PTPRD: variants seen among roughly 807,000 people sequenced by gnomAD.
The protein encoded by PTPRD is receptor-type tyrosine-protein phosphatase delta.
In PTPRD, 34 loss-of-function variants were observed where a neutral mutation model predicts 214.5. The observed-to-expected ratio is 0.16, with a 90% confidence interval of 0.12 to 0.21. The LOEUF is 0.21. PTPRD is among the 10% of genes least tolerant of loss of function. The pLI is 1.00. For missense variants in PTPRD, 2,545 were observed against 2,398.7 expected, an observed-to-expected ratio of 1.06 and a Z score of -1.27; for synonymous variants, 1,128 against 845.7, an observed-to-expected ratio of 1.33 and a Z score of -5.79.
intron 11 of PTPRD, among the ~76,000 whole-genome samples, chr9:8,966,752 CA>C (rs1374702988): frequency 1.3e-5 from 2 of 151,884 alleles, no homozygotes; most frequent in Non-Finnish European, 2.9e-5. Flanking sequence ...CAAAACATGA[CA>C]AATTAGACCT....
At chr9:9,838,454 T>C (rs531022760) in intron 5 of PTPRD, among the ~76,000 whole-genome samples, 23 of 152,180 alleles carry the variant, frequency 1.5e-4, no homozygotes, top group East Asian at 5.8e-4. Context: ...TTTTAATGAT[T>C]GCCATTCTAA....
At chr9:10,376,122 A>AT (rs2097723628) in intron 2 of PTPRD, among the ~76,000 whole-genome samples, 1 of 151,934 alleles carries the variant, frequency 6.6e-6, no homozygotes, top group African/African-American at 2.4e-5. Context: ...GCTTCCCTGC[A>AT]TTTTTCAGAA....
chr9:8,854,575 C>G (rs547683669), intron 11 of PTPRD, among the ~76,000 whole-genome samples: 16 of 152,090 alleles, frequency 1.1e-4, no homozygotes, highest in Non-Finnish European at 2.1e-4. Context: ...TGAAAATCAA[C>G]GAAAGAACAG....
intron 10 of PTPRD, among the ~76,000 whole-genome samples, chr9:9,178,222 G>C (rs16929029): frequency 0.09 from 13,672 of 152,004 alleles, 928 homozygotes; most frequent in South Asian, 0.24. Flanking sequence ...CCTACAAAGA[G>C]ATTGAACTGT....
At chr9:9,371,802 G>T (rs542603051) in intron 9 of PTPRD, among the ~76,000 whole-genome samples, 16 of 152,102 alleles carry the variant, frequency 1.1e-4, no homozygotes, top group African/African-American at 3.6e-4. Context: ...CAGAGATTCT[G>T]GTATGTTGTG....
intron 9 of PTPRD, among the ~76,000 whole-genome samples, chr9:9,294,324 C>T (rs899958944): frequency 1.5e-4 from 23 of 151,696 alleles, no homozygotes; most frequent in African/African-American, 5.1e-4. Context: ...TGTATATACA[C>T]ATACCTACTT....
intron 37 of PTPRD, among the ~76,000 whole-genome samples, chr9:8,384,409 A>C (rs1258015466): frequency 1.3e-5 from 2 of 152,196 alleles, no homozygotes; most frequent in African/African-American, 4.8e-5. Context: ...AAACTAGGGA[A>C]AAAAAACCAC....
At chr9:8,408,765 C>A (rs1475323674) in intron 35 of PTPRD, among the ~76,000 whole-genome samples, 1 of 152,040 alleles carries the variant, frequency 6.6e-6, no homozygotes, top group Non-Finnish European at 1.5e-5. Flanking sequence ...GCACTTGACT[C>A]CTCCTCCCCA....
At chr9:8,699,352 A>C (rs1311414067) in intron 12 of PTPRD, among the ~76,000 whole-genome samples, 1 of 152,214 alleles carries the variant, frequency 6.6e-6, no homozygotes, top group Non-Finnish European at 1.5e-5. Context: ...AATACACCTC[A>C]TATCATTAAA....
intron 11 of PTPRD, among the ~76,000 whole-genome samples, chr9:9,014,439 A>G (rs1007395788): frequency 6.6e-6 from 1 of 152,112 alleles, no homozygotes; most frequent in Non-Finnish European, 1.5e-5. Context: ...ACTTTTCTAC[A>G]TACTAAATTC....
At chr9:9,383,055 G>C (rs911531734) in intron 9 of PTPRD, among the ~76,000 whole-genome samples, 2 of 151,990 alleles carry the variant, frequency 1.3e-5, no homozygotes, top group African/African-American at 4.8e-5. Context: ...TCCCTGCCAT[G>C]TCACCACCAG....
intron 9 of PTPRD, among the ~76,000 whole-genome samples, chr9:9,396,945 T>A (rs1407900198): frequency 3.3e-5 from 5 of 152,030 alleles, no homozygotes; most frequent in Non-Finnish European, 5.9e-5. Context: ...ATTAACTATA[T>A]TGTTCCAAGT....
chr9:10,110,172 A>C (rs573224521), intron 3 of PTPRD, among the ~76,000 whole-genome samples: 1 of 152,300 alleles, frequency 6.6e-6, no homozygotes, highest in East Asian at 1.9e-4. Context: ...TTGAAAAGCA[A>C]TTCTTTCATC....
intron 8 of PTPRD, chr9:9,442,069 G>C (rs531279493): frequency 6.6e-6 from 1 of 152,502 alleles, no homozygotes; most frequent in East Asian, 1.9e-4. Flanking sequence ...CGCCGGGCGC[G>C]GTGGCGCGTG....
chr9:10,567,126 T>G (rs1489604470), intron 2 of PTPRD, among the ~76,000 whole-genome samples: 1 of 152,082 alleles, frequency 6.6e-6, no homozygotes, highest in East Asian at 1.9e-4. Context: ...AGCCTACATA[T>G]TGTCTCTCTC....
At chr9:9,066,223 A>G (rs1230609330) in intron 10 of PTPRD, among the ~76,000 whole-genome samples, 1 of 152,090 alleles carries the variant, frequency 6.6e-6, no homozygotes, top group African/African-American at 2.4e-5. Flanking sequence ...TATTCCCTGG[A>G]AGATTTTGTG....
rs139683029 is a variant in PTPRD, at chr9:10,165,224, G to A, written c.-544-131434C>T. Among the ~76,000 whole-genome samples, 138 of 151,722 alleles carry A rather than the reference G, an allele frequency of 9.1e-4. 1 individual carries two copies. Among genetic ancestry groups the A allele is most frequent in the Admixed American group, 2.0e-3 (30 of 15,210 alleles). On this transcript the variant is annotated intron_variant, in intron 3 of 45. Transcript: ENST00000381196. ...AGGCTATTATGTCTTATATTTGCTT[G>A]GAAGTAACATCAAGTTAATCTTTTT...
Position 8,527,415 on chromosome 9 carries a change from T to G in PTPRD, c.542-62A>C. 2.0e-6 allele frequency: 3 copies of G among 1,517,932 alleles called. No homozygotes were observed. In the South Asian group the frequency reaches 3.5e-5, roughly 18 times the overall value. 94.0% of individuals were successfully genotyped at this position (1,517,932 alleles called of 1,614,324 possible). On this transcript the variant is annotated intron_variant, in intron 15 of 45. Transcript: ENST00000381196. ...AAAAATATTATTATATTCCTTATAA[T>G]TTGGTACAAATTTTTCAGAGTTAAA...
chr9:10,250,307 C>G (rs1322144), intron 3 of PTPRD, among the ~76,000 whole-genome samples: 1 of 151,816 alleles, frequency 6.6e-6, no homozygotes, highest in South Asian at 2.1e-4. Context: ...TGACCCTTTA[C>G]TCATCTATAT....
Sources: allele counts gnomAD v4.1 joint callset (sites outside exome capture counted in the v4.1 genomes callset), GRCh38; gene constraint gnomAD v4.1.1; transcripts MANE v1.5; gene names NCBI Gene and HGNC (gene_info 2026-07-23, HGNC 2026-07-21).